Variants in NOTCH4 observed in about 807,000 individuals in gnomAD.
The protein encoded by NOTCH4 is neurogenic locus notch homolog protein 4.
A neutral mutation model predicts 189.0 loss-of-function variants in NOTCH4; 138 were observed. The observed-to-expected ratio is 0.73, with a 90% CI of 0.64 to 0.84. NOTCH4 has a LOEUF of 0.84. Ranked by LOEUF, NOTCH4 falls within the 40% of genes least tolerant of loss-of-function variation. The pLI is 0.00. For synonymous variants in NOTCH4, 942 were observed against 1,032.8 expected (o/e 0.91, Z 1.69); for missense variants, 2,286 against 2,605.4 (o/e 0.88, Z 2.67).
chr6:32,195,477 T>C lies in NOTCH4; in HGVS notation c.5972A>G (p.Gln1991Arg), dbSNP rs142575217. 6 of 1,611,594 alleles carry C rather than the reference T, an allele frequency of 3.7e-6. No homozygotes were observed. Among genetic ancestry groups the C allele is most frequent in the Non-Finnish European group, 5.1e-6 (6 of 1,179,198 alleles). Residue 1991 changes from glutamine (Q) to arginine (R), a missense_variant, in exon 30 of 30, where the codon CAA becomes CGA. Gln to Arg is a conservative substitution (Grantham distance 43). Coordinates refer to ENST00000375023, the MANE Select transcript of NOTCH4 (RefSeq NM_004557.4). The surrounding 1 kb of genome is among the most constrained non-coding windows in gnomAD (Gnocchi z 5.4). ...TCCTCCTTGGTTTATGGGCATTTCT[T>C]GGAGGGCTGGGGGACCACAGTCAAG... ...PQLDCGPPAL[Q>R]EMPINQGGEG...
chr6:32,223,820 G>C, intron 1 of NOTCH4, 36 bp downstream of exon 1: 1 of 1,593,432 alleles, frequency 6.3e-7, no homozygotes. Flanking sequence ...TCCTAAGGGA[G>C]CTGGGTCCCC....
Position 32,198,426 on chromosome 6 carries a change from C to G in NOTCH4, c.4751G>C (p.Gly1584Ala), listed in dbSNP as rs1788098387. ...EMEAPDLDTRGPDGVTPLMSA... is the reference protein window; with the variant it reads ...EMEAPDLDTRAPDGVTPLMSA... ...GTCTGGGTTGACTCACATACCAGGTCCACGGGTGTCCAGGTCAGGGGCTTC... is the reference window on the plus strand; with the variant it reads ...GTCTGGGTTGACTCACATACCAGGTGCACGGGTGTCCAGGTCAGGGGCTTC... Residue 1584 changes from glycine to alanine, a missense_variant, in exon 26 of 30, where the codon GGA becomes GCA. Gly to Ala is a moderately conservative substitution (Grantham distance 60). Around this residue, in one of 2 missense-constraint regions of NOTCH4, gnomAD observed 1,903 missense variants for 2,261.9 expected, o/e 0.84. Transcript: ENST00000375023. This position sits in a 1 kb window ranked among gnomAD's most constrained non-coding sequence, Gnocchi z 5.5. 1.9e-6 allele frequency: 3 copies of G among 1,612,314 alleles called. No homozygotes were observed. Among genetic ancestry groups the G allele is most frequent in the Non-Finnish European group, 2.5e-6 (3 of 1,179,888 alleles).
chr6:32,221,372 T>G lies in NOTCH4; in HGVS notation c.452-47A>C. On this transcript the variant is annotated intron_variant, in intron 3 of 29. Transcript: ENST00000375023. This position sits in a 1 kb window ranked among gnomAD's most constrained non-coding sequence, Gnocchi z 4.3. The stretch of plus-strand genomic sequence containing the variant: ...GCCGTTTCTAGCATTGTACGAATTC[T>G]AGCCCATCTGAGGTTACCCAGTGCT... The G allele has an allele frequency of 5.5e-6, 8 of 1,442,062 alleles. No individual in the cohort carries two copies. The highest frequency in any genetic ancestry group is 1.4e-5 in the African/African-American group (1 of 71,636). 89.3% of individuals were successfully genotyped at this position (1,442,062 alleles called of 1,614,324 possible). A position where few individuals can be genotyped will look rare whatever the true frequency, so the allele number is the denominator to read the frequency against.
In NOTCH4 at chr6:32,202,104, A is replaced by G; in HGVS notation, c.3727T>C (p.Tyr1243His). 6.7e-7 allele frequency: 1 copy of G among 1,487,516 alleles called. No individual in the cohort carries two copies. The highest frequency in any genetic ancestry group is 2.3e-5 in the East Asian group (1 of 43,400). 92.1% of individuals were successfully genotyped at this position (1,487,516 alleles called of 1,614,324 possible). A position where few individuals can be genotyped will look rare whatever the true frequency, so the allele number is the denominator to read the frequency against. The change falls in exon 21 of 30, where the codon TAC (tyrosine) becomes CAC (histidine). Residue 1243 changes from tyrosine (Y) to histidine (H), a missense_variant. This residue lies in a region of NOTCH4 where 1,903 missense variants were observed against 2,261.9 expected (regional missense o/e 0.84). Coordinates refer to ENST00000375023, the MANE Select transcript of NOTCH4 (RefSeq NM_004557.4). The surrounding 1 kb of genome is among the most constrained non-coding windows in gnomAD (Gnocchi z 5.7). ...CAGGCTGGAGGGGTCTCACAGTCGT[A>G]GCCATCAAACAGACACTCTTCAGAG... is the stretch of plus-strand genomic sequence containing the variant. ...CDSEECLFDG[Y>H]DCETPPACTP...
intron 15 of NOTCH4, 45 bp downstream of exon 15, chr6:32,213,090 G>T: frequency 2.1e-6 from 3 of 1,446,278 alleles, no homozygotes; most frequent in Non-Finnish European, 2.9e-6. Context: ...GGGTGGGAAG[G>T]CTGAGGGGTT....
chr6:32,199,703 C>CAAACAAAACAAAACA lies in NOTCH4; in HGVS notation c.4316-573_4316-559dup, dbSNP rs9281669. Among the ~76,000 whole-genome samples, 3,327 of 150,708 alleles carry CAAACAAAACAAAACA rather than the reference C, an allele frequency of 0.022. 107 individuals are homozygous for CAAACAAAACAAAACA. The highest frequency in any genetic ancestry group is 0.11 in the East Asian group (564 of 5,070). ...TGGGCGACAAGGCAAGACTCTGTCT[C>CAAACAAAACAAAACA]AAACAAAACAAAACAAAAACAAAAA... On this transcript the variant is annotated intron_variant, in intron 23 of 29. Coordinates refer to ENST00000375023, the MANE Select transcript of NOTCH4 (RefSeq NM_004557.4). This position sits in a 1 kb window ranked among gnomAD's most constrained non-coding sequence, Gnocchi z 4.9.
chr6:32,209,887 C>T (rs1267747617), intron 18 of NOTCH4, among the ~76,000 whole-genome samples: 1 of 119,504 alleles, frequency 8.4e-6, no homozygotes, highest in Non-Finnish European at 1.9e-5. Context: ...TCTCCAAAAA[C>T]GAGAGAGAAA....
chr6:32,208,810 G>T (rs879832881), intron 18 of NOTCH4, among the ~76,000 whole-genome samples: 1 of 152,220 alleles, frequency 6.6e-6, no homozygotes, highest in African/African-American at 2.4e-5. Flanking sequence ...TACACTGTTG[G>T]TGGGAATGTA....
rs749293748 is a variant in NOTCH4 at position 32,203,878 on chromosome 6, C to T, written c.3123G>A (p.Gln1041=). The T allele has an allele frequency of 6.4e-7, 1 of 1,554,552 alleles. No homozygotes were observed. ...YCQCLPGHTG[Q]WCEVEIDPCH... ...AGGGGTCTATCTCCACCTCACACCA[C>T]TGGCCTGTAATTATGGGGGAGATTA... The change falls in exon 20 of 30, where the codon CAG becomes CAA. Residue 1041 remains glutamine, a synonymous_variant. Coordinates refer to ENST00000375023, the MANE Select transcript of NOTCH4 (RefSeq NM_004557.4).
In NOTCH4 at chr6:32,196,055, C is replaced by G. The variant is rs1230115030; in HGVS notation, c.5394G>C (p.Gln1798His). 1.9e-6 allele frequency: 3 copies of G among 1,594,426 alleles called. No homozygotes were observed. The highest frequency in any genetic ancestry group is 2.5e-6 in the Non-Finnish European group (3 of 1,177,128). The change falls in exon 30 of 30, where the codon CAG (glutamine) becomes CAC (histidine). Residue 1798 changes from glutamine to histidine, a missense_variant. Gln to His is a conservative substitution (Grantham distance 24). Around this residue, in one of 2 missense-constraint regions of NOTCH4, gnomAD observed 383 missense variants for 343.5 expected, o/e 1.11. Transcript: ENST00000375023. ...GLGAARELRDQAGLAPADVAH... is the reference protein window; with the variant it reads ...GLGAARELRDHAGLAPADVAH... ...CGACGTCCGCCGGCGCTAGCCCAGC[C>G]TGGTCCCGCAGCTCTCGGGCTGCCC...
chr6:32,222,695 C>A lies in NOTCH4; in HGVS notation c.267G>T (p.Gly89=). ...TCAATGGAGAGGGAGAGCTGGGGAG[C>A]CCTAGGGGAGCGGGAAGCAGGGCTT... ...SCQALLPAPL[G]LPSSPSPLTP... is the part of the protein sequence containing the mutation. The change falls in exon 3 of 30, where the codon GGG becomes GGT. Residue 89 remains glycine, a synonymous_variant. Transcript: ENST00000375023. 1.2e-6 allele frequency: 2 copies of A among 1,606,766 alleles called. No homozygotes were observed. The highest frequency in any genetic ancestry group is 1.7e-6 in the Non-Finnish European group (2 of 1,177,914).
rs1456239390 is a variant in NOTCH4, at chr6:32,212,237, T to A, written c.2680+237A>T. On this transcript the variant is annotated intron_variant, in intron 17 of 29. Transcript: ENST00000375023. The surrounding 1 kb of genome is among the most constrained non-coding windows in gnomAD (Gnocchi z 4.4). Reference sequence around the variant, plus strand: ...ATGGTTGGGTTAAACTGGAATCCTGTGGAATGGGCTGGTTGGTGTTGCTTG... The same window carrying A: ...ATGGTTGGGTTAAACTGGAATCCTGAGGAATGGGCTGGTTGGTGTTGCTTG... Among the ~76,000 whole-genome samples the A allele has an allele frequency of 6.6e-6, 1 of 152,066 alleles. No individual in the cohort carries two copies. The highest frequency in any genetic ancestry group is 2.4e-5 in the African/African-American group (1 of 41,372).
Position 32,201,073 on chromosome 6 carries a change from T to TAA in NOTCH4, c.4139+42_4139+43dup. The TAA allele has an allele frequency of 6.4e-7, 1 of 1,574,744 alleles. No individual in the cohort carries two copies. The highest frequency in any genetic ancestry group is 8.6e-7 in the Non-Finnish European group (1 of 1,160,996). ...GCTCCCTTTCCTCCCTCTGCCCTCT[T>TAA]AAAAAAACTGGTGTCTGGCCCTTCC... On this transcript the variant is annotated intron_variant, in intron 22 of 29. Transcript: ENST00000375023. This position sits in a 1 kb window ranked among gnomAD's most constrained non-coding sequence, Gnocchi z 5.5.
chr6:32,223,821 C>T (rs772999501), intron 1 of NOTCH4, 35 bp downstream of exon 1: 3 of 1,593,790 alleles, frequency 1.9e-6, no homozygotes, highest in Non-Finnish European at 2.6e-6. Context: ...CCTAAGGGAG[C>T]TGGGTCCCCT....
At chr6:32,203,558 G>A in intron 20 of NOTCH4, 2 of 543,850 alleles carry the variant, frequency 3.7e-6, no homozygotes, top group Non-Finnish European at 6.4e-6. Flanking sequence ...GGCAACGCCT[G>A]TGATTTTTGA....
chr6:32,195,619 C>A lies in NOTCH4; in HGVS notation c.5830G>T (p.Val1944Phe). The A allele has an allele frequency of 6.2e-7, 1 of 1,613,040 alleles. No homozygotes were observed. The highest frequency in any genetic ancestry group is 8.5e-7 in the Non-Finnish European group (1 of 1,179,994). Residue 1944 changes from valine to phenylalanine, a missense_variant, in exon 30 of 30, where the codon GTC becomes TTC. Transcript: ENST00000375023. The surrounding 1 kb of genome is among the most constrained non-coding windows in gnomAD (Gnocchi z 5.4). Reference protein sequence around the residue: ...YGVAAGRGGRVSTDDWPCDWV... With the variant: ...YGVAAGRGGRFSTDDWPCDWV... ...TCACAGGGCCAGTCATCCGTTGAGA[C>A]CCTGCCTCCGCGCCCGGCAGCCACT...
At position 32,219,084 on chromosome 6, in the gene NOTCH4, TC is replaced by T. The variant is rs1038596635; in HGVS notation, c.1510+507del. Among the ~76,000 whole-genome samples, 10 of 152,296 alleles carry T rather than the reference TC, an allele frequency of 6.6e-5. No homozygotes were observed. The South Asian group carries it at 2.1e-3, about 32-fold the overall frequency. On this transcript the variant is annotated intron_variant, in intron 8 of 29. Coordinates refer to ENST00000375023, the MANE Select transcript of NOTCH4 (RefSeq NM_004557.4). ...GTTGCTGTCTCCCTGGGGCGACTTT[TC>T]CCCCTTAAAACTAGCCTGGAGGTGG...
At chr6:32,223,825 G>C (rs746981765) in intron 1 of NOTCH4, 31 bp downstream of exon 1, 66 of 1,597,134 alleles carry the variant, frequency 4.1e-5, no homozygotes, top group Non-Finnish European at 5.4e-5. Flanking sequence ...AGGGAGCTGG[G>C]TCCCCTCACC....
At position 32,202,301 on chromosome 6, in the gene NOTCH4, C is replaced by G; in HGVS notation, c.3530G>C (p.Gly1177Ala). ...CCCATCTCCACTTCTGCCCTCACACCCCTTGGCTCCGGGTTTCTGACACCG... is the reference window on the plus strand; with the variant it reads ...CCCATCTCCACTTCTGCCCTCACACGCCTTGGCTCCGGGTTTCTGACACCG... The part of the protein sequence containing the change: ...GPRCQKPGAK[G>A]CEGRSGDGAC... Residue 1177 changes from glycine to alanine, a missense_variant, in exon 21 of 30, where the codon GGG (glycine) becomes GCG (alanine). Gly to Ala is a moderately conservative substitution (Grantham distance 60). Coordinates refer to ENST00000375023, the MANE Select transcript of NOTCH4 (RefSeq NM_004557.4). The surrounding 1 kb of genome is among the most constrained non-coding windows in gnomAD (Gnocchi z 5.7). The G allele has an allele frequency of 1.9e-6, 3 of 1,611,664 alleles. No individual in the cohort carries two copies. The highest frequency in any genetic ancestry group is 2.5e-6 in the Non-Finnish European group (3 of 1,178,982).
Sources: allele counts gnomAD v4.1 joint callset (sites outside exome capture counted in the v4.1 genomes callset), GRCh38; gene constraint gnomAD v4.1.1; regional missense constraint gnomAD v4.1.1; non-coding constraint Gnocchi (gnomAD v3.1); transcripts MANE v1.5; gene names NCBI Gene and HGNC (gene_info 2026-07-23, HGNC 2026-07-21).